Variants in EVA1C observed in about 807,000 individuals in gnomAD.
EVA1C encodes the protein protein eva-1 homolog C.
In EVA1C, 25 loss-of-function variants were observed where a neutral mutation model predicts 45.4. That is an observed-to-expected ratio of 0.55 (90% CI 0.40 to 0.77). The LOEUF (loss-of-function observed/expected upper bound fraction) is 0.77. Ranked by LOEUF, EVA1C falls within the 30% of genes least tolerant of loss-of-function variation. EVA1C has a pLI of 0.00. For missense variants in EVA1C, 479 were observed against 554.8 expected, an observed-to-expected ratio of 0.86 and a Z score of 1.37; for synonymous variants, 190 against 221.2, an observed-to-expected ratio of 0.86 and a Z score of 1.25.
chr21:32,493,773 T>TATTTATTC (rs2037247321), intron 4 of EVA1C: 1 of 75,166 alleles, frequency 1.3e-5, no homozygotes, highest in Non-Finnish European at 2.5e-5. Flanking sequence ...GTAGGCTTTT[T>TATTTATTC]ATTTATTTAT....
At chr21:32,471,324 C>CTTTT (rs796205289) in intron 4 of EVA1C, among the ~76,000 whole-genome samples, 2 of 117,550 alleles carry the variant, frequency 1.7e-5, no homozygotes, top group Admixed American at 9.6e-5. Flanking sequence ...TCCTTTTTTT[C>CTTTT]TTTTTTCTTT....
intron 7 of EVA1C, among the ~76,000 whole-genome samples, chr21:32,514,434 C>T (rs1237161501): frequency 6.6e-6 from 1 of 152,148 alleles, no homozygotes; most frequent in African/African-American, 2.4e-5. Flanking sequence ...ACTGTAATGA[C>T]TCTGTGATAG....
chr21:32,479,797 T>A (rs973999870), intron 4 of EVA1C, among the ~76,000 whole-genome samples: 8 of 150,598 alleles, frequency 5.3e-5, no homozygotes, highest in African/African-American at 1.7e-4. Flanking sequence ...ACAAAAAAAA[T>A]TTAAAAATTT....
intron 4 of EVA1C, among the ~76,000 whole-genome samples, chr21:32,468,593 G>A (rs2036267231): frequency 6.6e-6 from 1 of 152,060 alleles, no homozygotes; most frequent in South Asian, 2.1e-4. Flanking sequence ...AGGAGAGCCA[G>A]TTCAAGCCTC....
chr21:32,502,387 C>T (rs1470927943), intron 6 of EVA1C, among the ~76,000 whole-genome samples: 3 of 152,140 alleles, frequency 2.0e-5, no homozygotes, highest in East Asian at 1.9e-4. Context: ...GTGTGAACCA[C>T]CGCACCCGGC....
chr21:32,512,246 G>A (rs2037980924), intron 7 of EVA1C, among the ~76,000 whole-genome samples: 1 of 152,084 alleles, frequency 6.6e-6, no homozygotes, highest in African/African-American at 2.4e-5. Context: ...GCTAATTACA[G>A]TATTAAAAAG....
rs1463198081 is a variant in EVA1C at position 32,474,944 on chromosome 21, T to C, written c.634+7096T>C. Among the ~76,000 whole-genome samples, 1 of 152,230 alleles carries C rather than the reference T, an allele frequency of 6.6e-6. No homozygotes were observed. The highest frequency in any genetic ancestry group is 1.5e-5 in the Non-Finnish European group (1 of 68,036). On this transcript the variant is annotated intron_variant, in intron 4 of 7. Transcript: ENST00000300255. The surrounding 1 kb of genome is among the most constrained non-coding windows in gnomAD (Gnocchi z 4.4). ...AGGCTGCCAGTGCATGTGTGATCTC[T>C]GCTCTGTGCTCCCATTTACTACTGC...
At chr21:32,420,379 G>T (rs2034221424) in intron 1 of EVA1C, among the ~76,000 whole-genome samples, 1 of 151,720 alleles carries the variant, frequency 6.6e-6, no homozygotes, top group Admixed American at 6.6e-5. Flanking sequence ...CAAGAAAAAA[G>T]AAAAAAAATT....
intron 4 of EVA1C, among the ~76,000 whole-genome samples, chr21:32,482,247 C>T (rs1266013360): frequency 6.6e-6 from 1 of 152,168 alleles, no homozygotes; most frequent in African/African-American, 2.4e-5. Context: ...ATTTTTCACA[C>T]AAGCTTAGAG....
intron 1 of EVA1C, among the ~76,000 whole-genome samples, chr21:32,451,743 G>A (rs1459341453): frequency 1.3e-5 from 2 of 152,186 alleles, no homozygotes; most frequent in Non-Finnish European, 2.9e-5. Flanking sequence ...GGCTTCAGGT[G>A]CATCATTCCA....
intron 1 of EVA1C, among the ~76,000 whole-genome samples, chr21:32,432,481 T>G (rs1487563949): frequency 3.3e-5 from 5 of 152,070 alleles, no homozygotes; most frequent in Non-Finnish European, 7.4e-5. Context: ...ACCACCAAAG[T>G]TGCTCCTGGC....
rs115587140 is a variant in EVA1C, at chr21:32,475,438, T to C, written c.634+7590T>C. Among the ~76,000 whole-genome samples the C allele has an allele frequency of 8.1e-3, 1,228 of 152,052 alleles. 13 individuals carry two copies. The highest frequency in any genetic ancestry group is 0.027 in the African/African-American group (1,115 of 41,436). On this transcript the variant is annotated intron_variant, in intron 4 of 7. Coordinates refer to ENST00000300255, the MANE Select transcript of EVA1C (RefSeq NM_058187.5). ...TGAGAAAAGGATTCAGCCACAAATGTTACTCATCAGCTAAAAAGTTCTTAC... is the reference window on the plus strand; with the variant it reads ...TGAGAAAAGGATTCAGCCACAAATGCTACTCATCAGCTAAAAAGTTCTTAC...
chr21:32,449,470 A>G (rs368067746), intron 1 of EVA1C, among the ~76,000 whole-genome samples: 23 of 152,258 alleles, frequency 1.5e-4, no homozygotes, highest in African/African-American at 5.3e-4. Flanking sequence ...CAGACAGTAC[A>G]CAGCCTTTTC....
At chr21:32,480,244 T>A (rs2036728215) in intron 4 of EVA1C, among the ~76,000 whole-genome samples, 1 of 142,398 alleles carries the variant, frequency 7.0e-6, no homozygotes, top group Non-Finnish European at 1.5e-5. Context: ...GAGGCTGTGG[T>A]GAGCAATAAT....
At chr21:32,498,212 C>T (rs1371181308) in intron 5 of EVA1C, among the ~76,000 whole-genome samples, 1 of 152,086 alleles carries the variant, frequency 6.6e-6, no homozygotes, top group Non-Finnish European at 1.5e-5. Flanking sequence ...TTTGGGAGGC[C>T]GAGGCGGGCG....
At chr21:32,427,873 A>G (rs1013576683) in intron 1 of EVA1C, among the ~76,000 whole-genome samples, 8 of 151,752 alleles carry the variant, frequency 5.3e-5, no homozygotes, top group African/African-American at 1.7e-4. Flanking sequence ...AAAAAAAAAA[A>G]AAAAGAAAGG....
intron 1 of EVA1C, among the ~76,000 whole-genome samples, chr21:32,431,614 T>G (rs368345432): frequency 6.6e-6 from 1 of 152,236 alleles, no homozygotes; most frequent in East Asian, 1.9e-4. Flanking sequence ...GCAGAAACAT[T>G]GCACGCTTTT....
At chr21:32,478,811 G>C (rs1405566328) in intron 4 of EVA1C, among the ~76,000 whole-genome samples, 1 of 152,220 alleles carries the variant, frequency 6.6e-6, no homozygotes, top group African/African-American at 2.4e-5. Flanking sequence ...TTTTCCGGGT[G>C]AGCTCCAGGG....
At chr21:32,470,873 C>T (rs568178720) in intron 4 of EVA1C, among the ~76,000 whole-genome samples, 2 of 152,066 alleles carry the variant, frequency 1.3e-5, no homozygotes, top group South Asian at 2.1e-4. Flanking sequence ...ATTCTCCTGC[C>T]TCAGCCTCAG....
Sources: allele counts gnomAD v4.1 joint callset (sites outside exome capture counted in the v4.1 genomes callset), GRCh38; gene constraint gnomAD v4.1.1; non-coding constraint Gnocchi (gnomAD v3.1); transcripts MANE v1.5; gene names NCBI Gene and HGNC (gene_info 2026-07-23, HGNC 2026-07-21).